The following ZNF730 variants were observed in gnomAD, a reference collection of about 807,000 sequenced individuals.
ZNF730 encodes putative zinc finger protein 730.
Under a neutral mutation model 12.6 loss-of-function variants are expected in ZNF730, and 12 were observed. That is an observed-to-expected ratio of 0.95 (90% confidence interval 0.61 to 1.54). The LOEUF (loss-of-function observed/expected upper bound fraction) is 1.54, where lower values mean the gene tolerates loss of function less well. Ranked by LOEUF, ZNF730 falls within the 40% of genes most tolerant of loss-of-function variation. The pLI, the probability that ZNF730 is intolerant of heterozygous loss-of-function variation, is 0.00. For missense variants in ZNF730, 643 were observed against 583.5 expected, an observed-to-expected ratio of 1.10 and a Z score of -1.05; for synonymous variants, 194 against 195.8, an observed-to-expected ratio of 0.99 and a Z score of 0.08.
intron 2 of ZNF730, 130 bp downstream of exon 2, chr19:23,134,336 T>C (rs1970791278): frequency 5.0e-6 from 4 of 792,594 alleles, no homozygotes; most frequent in Non-Finnish European, 7.3e-6. Context: ...GTCCTCAGGA[T>C]TTGTCCCCTG....
rs1970408941 is a variant in ZNF730, at chr19:23,107,474, A to AAAAC, written c.-93-26605_-93-26604insAACA. Among the ~76,000 whole-genome samples, 3 of 148,580 alleles carry AAAAC rather than the reference A, an allele frequency of 2.0e-5. No individual in the cohort carries two copies. The South Asian group carries it at 6.4e-4, about 32-fold the overall frequency. On this transcript the variant is annotated intron_variant, in intron 1 of 2. Coordinates refer to the ZNF730 transcript ENST00000593635. ...CAAAAAAAAAAAAAAAAAAAAAAAA[A>AAAAC]ACCACCACAGCTCTGTTTTTTGTTA...
intron 1 of ZNF730, among the ~76,000 whole-genome samples, chr19:23,122,158 T>TA (rs1970607280): frequency 3.6e-5 from 5 of 140,386 alleles, no homozygotes; most frequent in South Asian, 2.3e-4. Flanking sequence ...TTTTTTTTTT[T>TA]TAGACAGAGT....
intron 1 of ZNF730, among the ~76,000 whole-genome samples, chr19:23,080,436 C>T (rs1354544089): frequency 3.3e-5 from 5 of 151,460 alleles, no homozygotes; most frequent in East Asian, 1.9e-4. Context: ...AGTGCAGTGG[C>T]GTGATCTCGG....
chr19:23,085,704 T>C (rs1022518398), intron 1 of ZNF730, among the ~76,000 whole-genome samples: 1 of 149,406 alleles, frequency 6.7e-6, no homozygotes, highest in African/African-American at 2.5e-5. Flanking sequence ...TTAGTAGAGA[T>C]AGGGTTTCAC....
At chr19:23,144,241 A>T (rs954133410) in intron 3 of ZNF730, 1 of 152,132 alleles carries the variant, frequency 6.6e-6, no homozygotes, top group Non-Finnish European at 1.5e-5. Context: ...TTTGGACATT[A>T]AAAAAATCTA....
intron 1 of ZNF730, among the ~76,000 whole-genome samples, chr19:23,101,587 C>T (rs964311693): frequency 7.9e-5 from 12 of 152,222 alleles, no homozygotes; most frequent in African/African-American, 2.9e-4. Context: ...GCCCAGCCCA[C>T]AGATGAGATT....
At chr19:23,106,935 A>G (rs1283312997) in intron 1 of ZNF730, among the ~76,000 whole-genome samples, 1 of 152,224 alleles carries the variant, frequency 6.6e-6, no homozygotes, top group Non-Finnish European at 1.5e-5. Flanking sequence ...TGAATTAGCA[A>G]TTTTTAAAAC....
chr19:23,089,121 C>T (rs1475669856), intron 1 of ZNF730, among the ~76,000 whole-genome samples: 1 of 152,092 alleles, frequency 6.6e-6, no homozygotes, highest in African/African-American at 2.4e-5. Flanking sequence ...ATCCACCTGG[C>T]TCGACCTCCC....
At chr19:23,128,114 G>A in intron 1 of ZNF730, 1 of 880,836 alleles carries the variant, frequency 1.1e-6, no homozygotes, top group Non-Finnish European at 1.9e-6. Flanking sequence ...TTGGATGTAG[G>A]CCTTGCCAGA....
At chr19:23,103,193 A>G (rs978920025) in intron 1 of ZNF730, among the ~76,000 whole-genome samples, 6 of 152,236 alleles carry the variant, frequency 3.9e-5, no homozygotes, top group African/African-American at 1.2e-4. Context: ...GAATTTTTCT[A>G]TCTGAACCTG....
At chr19:23,094,872 T>C (rs1970223262) in intron 1 of ZNF730, 1 of 152,414 alleles carries the variant, frequency 6.6e-6, no homozygotes, top group Non-Finnish European at 1.5e-5. Flanking sequence ...TAGAGATGTC[T>C]CACAATGTTG....
chr19:23,144,629 G>A (rs1018992411), intron 3 of ZNF730, among the ~76,000 whole-genome samples: 3 of 142,572 alleles, frequency 2.1e-5, no homozygotes, highest in African/African-American at 5.1e-5. Context: ...GAACCTGGGA[G>A]GCAGAGGTTT....
intron 1 of ZNF730, among the ~76,000 whole-genome samples, chr19:23,092,907 T>A (rs1306447745): frequency 6.6e-6 from 1 of 152,212 alleles, no homozygotes; most frequent in Non-Finnish European, 1.5e-5. Flanking sequence ...TTTGTTGTAC[T>A]CTGTTGGGTT....
chr19:23,090,137 T>G (rs1046371433), intron 1 of ZNF730, among the ~76,000 whole-genome samples: 1 of 152,060 alleles, frequency 6.6e-6, no homozygotes, highest in Non-Finnish European at 1.5e-5. Context: ...TCCCAGCCAC[T>G]TGGGAGGCCG....
intron 1 of ZNF730, chr19:23,095,529 TC>T: frequency 5.0e-6 from 2 of 397,982 alleles, no homozygotes; most frequent in Non-Finnish European, 8.9e-6. Context: ...CACATGACTC[TC>T]CCCCTCTTTC....
intron 1 of ZNF730, among the ~76,000 whole-genome samples, chr19:23,087,534 T>A (rs1314862060): frequency 6.6e-6 from 1 of 152,188 alleles, no homozygotes; most frequent in Non-Finnish European, 1.5e-5. Context: ...ATTCTCGATA[T>A]AAGATTATGT....
intron 1 of ZNF730, among the ~76,000 whole-genome samples, chr19:23,084,370 T>TA (rs61393434): frequency 2.1e-3 from 327 of 152,178 alleles, no homozygotes; most frequent in African/African-American, 7.3e-3. Context: ...TTTGCGCTTT[T>TA]AAAAAAAATG....
chr19:23,104,779 A>G (rs1481600025), intron 1 of ZNF730, among the ~76,000 whole-genome samples: 1 of 152,192 alleles, frequency 6.6e-6, no homozygotes, highest in Non-Finnish European at 1.5e-5. Flanking sequence ...GCCCCTTGAA[A>G]AAACTGCCCT....
At chr19:23,076,566 A>G (rs1969865301) in intron 1 of ZNF730, among the ~76,000 whole-genome samples, 1 of 152,148 alleles carries the variant, frequency 6.6e-6, no homozygotes. Flanking sequence ...AATGAATATC[A>G]TCCCCTGGGT....
Sources: gnomAD v4.1 joint callset for allele counts (sites outside exome capture counted in the v4.1 genomes callset) on GRCh38, gnomAD v4.1.1 for gene constraint, MANE v1.5 for transcripts, NCBI Gene and HGNC (gene_info 2026-07-23, HGNC 2026-07-21) for gene names.